The following MYO1E variants were observed in gnomAD, a reference collection of about 807,000 sequenced individuals.
MYO1E encodes unconventional myosin-Ie.
In MYO1E, 68 loss-of-function variants were observed where a neutral mutation model predicts 151.1. The ratio of observed to expected loss-of-function variants is 0.45; its 90% CI spans 0.37 to 0.55. The LOEUF is 0.55. Among genes scored for constraint, MYO1E ranks in the 20% least tolerant of loss-of-function variants. MYO1E has a pLI of 0.00. For synonymous variants in MYO1E, 601 were observed against 501.7 expected (o/e 1.20, Z -2.64); for missense variants, 1,363 against 1,389.3 (o/e 0.98, Z 0.30).
At chr15:59,224,381 G>T (rs1363205238) in intron 8 of MYO1E, among the ~76,000 whole-genome samples, 1 of 152,200 alleles carries the variant, frequency 6.6e-6, no homozygotes, top group Admixed American at 6.5e-5. Flanking sequence ...CTCACGAATA[G>T]AGTAGGCCAT....
intron 14 of MYO1E, chr15:59,207,725 A>G (rs760441917): frequency 1.2e-6 from 2 of 1,614,042 alleles, no homozygotes; most frequent in African/African-American, 2.7e-5. Flanking sequence ...CCTTTGAAGG[A>G]TCTGAACTCT....
At chr15:59,317,463 AGTGAT>A (rs1331143813) in intron 1 of MYO1E, among the ~76,000 whole-genome samples, 1 of 152,212 alleles carries the variant, frequency 6.6e-6, no homozygotes, top group African/African-American at 2.4e-5. Flanking sequence ...CAACAGAGAA[AGTGAT>A]TTGGGAAGAC....
intron 26 of MYO1E, among the ~76,000 whole-genome samples, chr15:59,153,091 C>T (rs1350539893): frequency 1.3e-5 from 2 of 152,192 alleles, no homozygotes; most frequent in African/African-American, 4.8e-5. Flanking sequence ...GCTGGGTTCT[C>T]TTCACCACTC....
chr15:59,276,906 G>A (rs1477339699), intron 1 of MYO1E, among the ~76,000 whole-genome samples: 1 of 152,198 alleles, frequency 6.6e-6, no homozygotes, highest in African/African-American at 2.4e-5. Flanking sequence ...GACAGCCCCA[G>A]GGTAGGCCTG....
At chr15:59,143,495 A>G (rs2079423146) in intron 26 of MYO1E, among the ~76,000 whole-genome samples, 1 of 152,182 alleles carries the variant, frequency 6.6e-6, no homozygotes, top group Admixed American at 6.5e-5. Context: ...AAAGCGAGCC[A>G]CAGTGAGAGC....
intron 3 of MYO1E, among the ~76,000 whole-genome samples, chr15:59,260,245 G>T (rs1290924830): frequency 2.6e-5 from 4 of 152,196 alleles, no homozygotes; most frequent in Non-Finnish European, 4.4e-5. Context: ...AGCTCTGTGC[G>T]CCTGCTGATC....
At chr15:59,347,015 T>C (rs543535829) in intron 1 of MYO1E, among the ~76,000 whole-genome samples, 1 of 151,810 alleles carries the variant, frequency 6.6e-6, no homozygotes, top group South Asian at 2.1e-4. Flanking sequence ...AAGGACACCA[T>C]GTCTGTGGGT....
chr15:59,321,971 G>A (rs1377513076), intron 1 of MYO1E, among the ~76,000 whole-genome samples: 1 of 152,134 alleles, frequency 6.6e-6, no homozygotes, highest in African/African-American at 2.4e-5. Context: ...GTCAGGAATT[G>A]GAGACTAGCC....
intron 1 of MYO1E, among the ~76,000 whole-genome samples, chr15:59,296,914 A>ACTG (rs2080452311): frequency 7.3e-6 from 1 of 136,182 alleles, no homozygotes; most frequent in African/African-American, 2.8e-5. Flanking sequence ...ATGTCGGCTC[A>ACTG]CTGCAAGCTC....
intron 17 of MYO1E, among the ~76,000 whole-genome samples, chr15:59,189,776 C>A (rs1172788933): frequency 1.1e-4 from 16 of 152,344 alleles, no homozygotes; most frequent in East Asian, 3.9e-4. Flanking sequence ...GGGGTTTCGC[C>A]ATGTTGGCCA....
intron 9 of MYO1E, among the ~76,000 whole-genome samples, chr15:59,220,649 T>C (rs2079948794): frequency 1.3e-5 from 2 of 152,054 alleles, no homozygotes; most frequent in African/African-American, 4.8e-5. Context: ...TCCATAGATA[T>C]ACTAAAATAT....
Position 59,350,512 on chromosome 15 carries a change from T to C in MYO1E, c.3+21986A>G, listed in dbSNP as rs137998518. On this transcript the variant is annotated intron_variant, in intron 1 of 27. Transcript: ENST00000288235. This position sits in a 1 kb window ranked among gnomAD's most constrained non-coding sequence, Gnocchi z 5.0. ...GAATGTAGTGTCTGCCCTCAGAGAC[T>C]ACATGCATTACTGAGAGGAAAGTGG... Among the ~76,000 whole-genome samples, 10 of 152,210 alleles carry C rather than the reference T, an allele frequency of 6.6e-5. No homozygotes were observed. Among genetic ancestry groups the C allele is most frequent in the Middle Eastern group, 3.4e-3 (1 of 294 alleles).
intron 4 of MYO1E, among the ~76,000 whole-genome samples, chr15:59,240,248 T>C (rs563452300): frequency 1.3e-5 from 2 of 152,346 alleles, no homozygotes; most frequent in Non-Finnish European, 2.9e-5. Context: ...AGTCTAGGAA[T>C]AGGAATTTCT....
intron 4 of MYO1E, among the ~76,000 whole-genome samples, chr15:59,248,486 CAAAAA>C (rs71119447): frequency 1.4e-4 from 8 of 57,052 alleles, no homozygotes; most frequent in East Asian, 6.7e-4. Context: ...GACTCCATCT[CAAAAA>C]AAAAAAAAAA....
In MYO1E at chr15:59,208,134, C is replaced by T. The variant is rs118077450; in HGVS notation, c.1530+547G>A. 1,775 of 1,485,966 alleles carry T rather than the reference C, an allele frequency of 1.2e-3. 10 individuals carry two copies. In the Middle Eastern group the frequency reaches 0.024, roughly 20 times the overall value. 92.0% of individuals were successfully genotyped at this position (1,485,966 alleles called of 1,614,324 possible). ...GAAATTATTGAAGAGATCATAGATA[C>T]AGGATTATATAACGAAATTTTGAAT... On this transcript the variant is annotated intron_variant, in intron 14 of 27. Coordinates refer to ENST00000288235, the MANE Select transcript of MYO1E (RefSeq NM_004998.4).
At chr15:59,236,023 T>C (rs1158163026) in intron 5 of MYO1E, among the ~76,000 whole-genome samples, 2 of 152,178 alleles carry the variant, frequency 1.3e-5, no homozygotes, top group African/African-American at 4.8e-5. Flanking sequence ...TGCTGATCTT[T>C]TTATTGATTT....
intron 12 of MYO1E, 71 bp from the exon 13 acceptor site, chr15:59,210,671 T>G: frequency 9.5e-7 from 1 of 1,052,810 alleles, no homozygotes; most frequent in South Asian, 1.3e-5. Flanking sequence ...AGACCCTGAA[T>G]GGACAAAAAT....
chr15:59,251,102 A>G (rs1348289221), intron 4 of MYO1E, among the ~76,000 whole-genome samples: 7 of 152,334 alleles, frequency 4.6e-5, no homozygotes, highest in East Asian at 1.9e-4. Flanking sequence ...ATTAAATTCC[A>G]GCTAGGAAAA....
Position 59,171,946 on chromosome 15 carries a change from C to T in MYO1E, c.2431G>A (p.Val811Ile). 6.2e-7 allele frequency: 1 copy of T among 1,614,244 alleles called. No homozygotes were observed. Among genetic ancestry groups the T allele is most frequent in the Non-Finnish European group, 8.5e-7 (1 of 1,180,044 alleles). ...QGPDKGLVKE[V>I]LKRKIEIERI... ...TCTATCTCGATTTTCCGCTTCAGGA[C>T]TTCTTTCACCAGGCCCTTGTCTGGG... Residue 811 changes from valine (V) to isoleucine (I), a missense_variant, in exon 22 of 28, where the codon GTC (valine) becomes ATC (isoleucine). By Grantham distance (29) the Val-to-Ile change is conservative (BLOSUM62 3). Coordinates refer to ENST00000288235, the MANE Select transcript of MYO1E (RefSeq NM_004998.4).
Sources: allele counts gnomAD v4.1 joint callset (sites outside exome capture counted in the v4.1 genomes callset), GRCh38; gene constraint gnomAD v4.1.1; non-coding constraint Gnocchi (gnomAD v3.1); transcripts MANE v1.5; gene names NCBI Gene and HGNC (gene_info 2026-07-23, HGNC 2026-07-21).